DGCR2: variants seen among roughly 807,000 people sequenced by gnomAD.
DGCR2 encodes the protein integral membrane protein DGCR2/IDD.
Under a neutral mutation model 51.6 loss-of-function variants are expected in DGCR2, and 24 were observed. The observed-to-expected ratio is 0.47, with a 90% CI of 0.34 to 0.65. The LOEUF is 0.65. DGCR2 is among the 30% of genes least tolerant of loss of function. DGCR2 has a pLI of 0.01. For missense variants in DGCR2, 765 were observed against 772.1 expected (o/e 0.99, Z 0.11); for synonymous variants, 340 against 315.4 (o/e 1.08, Z -0.82).
intron 5 of DGCR2, chr22:19,060,625 G>A (rs111708489): frequency 0.011 from 2,520 of 232,394 alleles, 70 homozygotes; most frequent in African/African-American, 0.056. Flanking sequence ...ACGTGGGGCG[G>A]TGTGGATGAT....
At chr22:19,075,720 T>C (rs753322114) in intron 2 of DGCR2, among the ~76,000 whole-genome samples, 2 of 152,254 alleles carry the variant, frequency 1.3e-5, no homozygotes, top group Non-Finnish European at 2.9e-5. Flanking sequence ...TCACTGAGCA[T>C]ATCCTCAAAG....
At position 19,048,620 on chromosome 22, in the gene DGCR2, C is replaced by T; in HGVS notation, c.826G>A (p.Asp276Asn). ...TAGAACCCTTCATCCACCACGTTGT[C>T]CTTGATGTCAACACATGTTTGACCT... is the stretch of plus-strand genomic sequence containing the variant. ...KRSQTCVDIK[D>N]NVVDEGFYFT... Residue 276 changes from aspartate (D) to asparagine (N), a missense_variant, in exon 7 of 10, where the codon GAC becomes AAC. Transcript: ENST00000263196. 6.2e-7 allele frequency: 1 copy of T among 1,614,250 alleles called. No homozygotes were observed.
At chr22:19,048,768 A>G in intron 6 of DGCR2, 125 bp from the exon 7 acceptor site, 5 of 921,838 alleles carry the variant, frequency 5.4e-6, no homozygotes, top group Non-Finnish European at 6.8e-6. Flanking sequence ...CTGTTACCTT[A>G]GAATGGGAAG....
chr22:19,052,510 T>A (rs1020878357), intron 6 of DGCR2, among the ~76,000 whole-genome samples: 1 of 152,006 alleles, frequency 6.6e-6, no homozygotes, highest in African/African-American at 2.4e-5. Context: ...GCAGTTTTCA[T>A]TGTAATAGCC....
At chr22:19,081,612 T>A (rs899396482) in intron 2 of DGCR2, among the ~76,000 whole-genome samples, 1 of 152,222 alleles carries the variant, frequency 6.6e-6, no homozygotes, top group African/African-American at 2.4e-5. Context: ...TGTGGATGGC[T>A]TGGAATTTTA....
intron 1 of DGCR2, among the ~76,000 whole-genome samples, chr22:19,118,094 A>C (rs1222449944): frequency 6.6e-6 from 1 of 152,002 alleles, no homozygotes; most frequent in Non-Finnish European, 1.5e-5. Flanking sequence ...CCAGCCGGGG[A>C]GAGGTGGCTC....
chr22:19,068,318 C>A, intron 2 of DGCR2, 93 bp from the exon 3 acceptor site: 1 of 1,371,950 alleles, frequency 7.3e-7, no homozygotes, highest in Non-Finnish European at 9.5e-7. Context: ...GGCTGCAAGG[C>A]CGGAGGGGGG....
intron 1 of DGCR2, among the ~76,000 whole-genome samples, chr22:19,100,160 C>T (rs2083185490): frequency 6.6e-6 from 1 of 152,110 alleles, no homozygotes; most frequent in Non-Finnish European, 1.5e-5. Context: ...ATCCCAGCTA[C>T]TCGGAAGGCT....
intron 6 of DGCR2, among the ~76,000 whole-genome samples, chr22:19,050,004 TG>T (rs1247838747): frequency 1.3e-5 from 2 of 151,754 alleles, no homozygotes; most frequent in African/African-American, 4.8e-5. Context: ...CCAACATATG[TG>T]AAACAGGAGT....
chr22:19,063,010 G>T (rs572885953), intron 5 of DGCR2, among the ~76,000 whole-genome samples, 192 bp downstream of exon 5: 1 of 152,120 alleles, frequency 6.6e-6, no homozygotes, highest in Non-Finnish European at 1.5e-5. Context: ...GACAGCCACC[G>T]CCCAATGCAG....
intron 6 of DGCR2, chr22:19,056,566 A>ACAC (rs1555902463): frequency 0.11 from 35,707 of 333,030 alleles, 1,700 homozygotes; most frequent in Middle Eastern, 0.18. Context: ...AAAAAAAAAA[A>ACAC]ACACACACAC....
In DGCR2 at chr22:19,122,326, G is replaced by A. The variant is rs906415184; in HGVS notation, c.-120C>T. 2.6e-4 allele frequency: 211 copies of A among 816,036 alleles called. 2 individuals are homozygous for A. The highest frequency in any genetic ancestry group is 2.0e-3 in the South Asian group (89 of 44,856). 50.5% of individuals were successfully genotyped at this position (816,036 alleles called of 1,614,324 possible). ...CTGAACCTGGGCGAGGCGCGGAGAG[G>A]CGGCGGGAAAGAGCTTCGGCTGGGC... On this transcript the variant is annotated 5_prime_UTR_variant, in exon 1 of 10. Transcript: ENST00000263196.
At chr22:19,065,179 G>C in intron 3 of DGCR2, 112 bp from the exon 4 acceptor site, 1 of 895,492 alleles carries the variant, frequency 1.1e-6, no homozygotes, top group East Asian at 2.7e-5. Context: ...AGAGAAGTGG[G>C]GAAACTGAGG....
intron 3 of DGCR2, among the ~76,000 whole-genome samples, 167 bp downstream of exon 3, chr22:19,067,933 G>A (rs1035864429): frequency 6.6e-6 from 1 of 152,256 alleles, no homozygotes; most frequent in East Asian, 1.9e-4. Context: ...CCACTCCAGC[G>A]CTGGGTGACT....
intron 3 of DGCR2, among the ~76,000 whole-genome samples, chr22:19,066,970 C>T (rs573071182): frequency 6.6e-6 from 1 of 152,334 alleles, no homozygotes; most frequent in East Asian, 1.9e-4. Context: ...TGTGGGGACC[C>T]GTTCGGGCTG....
chr22:19,119,169 A>G (rs1053543756), intron 1 of DGCR2, among the ~76,000 whole-genome samples: 2 of 152,182 alleles, frequency 1.3e-5, no homozygotes. Context: ...AGCTGTTCAG[A>G]GCATAATATG....
intron 1 of DGCR2, among the ~76,000 whole-genome samples, chr22:19,092,132 G>C (rs777374730): frequency 4.6e-5 from 7 of 152,024 alleles, no homozygotes; most frequent in Admixed American, 3.9e-4. Flanking sequence ...GATCATCTGA[G>C]GTCAGGAGTT....
At chr22:19,063,994 C>A (rs944856866) in intron 4 of DGCR2, among the ~76,000 whole-genome samples, 1 of 152,236 alleles carries the variant, frequency 6.6e-6, no homozygotes, top group Non-Finnish European at 1.5e-5. Flanking sequence ...CCACTCAGAG[C>A]CAGCCCACCT....
At position 19,040,127 on chromosome 22, in the gene DGCR2, C is replaced by A. The variant is rs554209400; in HGVS notation, c.1396+931G>T. Among the ~76,000 whole-genome samples, 10 of 152,348 alleles carry A rather than the reference C, an allele frequency of 6.6e-5. No homozygotes were observed. In the South Asian group the frequency reaches 2.1e-3, roughly 32 times the overall value. The stretch of plus-strand genomic sequence containing the variant: ...CCCCACCCTGCTCTGCAGCCTGGCC[C>A]ACACAGGTGTCTGGGATCTGCTGCC... On this transcript the variant is annotated intron_variant, in intron 9 of 9. Coordinates refer to ENST00000263196, the MANE Select transcript of DGCR2 (RefSeq NM_005137.3).
Sources: allele counts gnomAD v4.1 joint callset (sites outside exome capture counted in the v4.1 genomes callset), GRCh38; gene constraint gnomAD v4.1.1; transcripts MANE v1.5; gene names NCBI Gene and HGNC (gene_info 2026-07-23, HGNC 2026-07-21).